Variants in HS3ST3A1 observed in about 807,000 individuals in gnomAD.
The protein encoded by HS3ST3A1 is heparan sulfate-glucosamine 3-sulfotransferase 3A1.
A neutral mutation model predicts 25.7 loss-of-function variants in HS3ST3A1; 19 were observed. That is an observed-to-expected ratio of 0.74 (90% CI 0.52 to 1.08). The LOEUF is 1.08. HS3ST3A1 is among the 50% of genes least tolerant of loss of function. The pLI is 0.00. For synonymous variants in HS3ST3A1, 226 were observed against 278.6 expected (o/e 0.81, Z 1.88); for missense variants, 459 against 594.3 (o/e 0.77, Z 2.37).
chr17:13,530,504 C>T (rs917157225), intron 1 of HS3ST3A1, among the ~76,000 whole-genome samples: 1 of 152,106 alleles, frequency 6.6e-6, no homozygotes, highest in African/African-American at 2.4e-5. Flanking sequence ...GACTTGAACC[C>T]AAGACAGGCA....
intron 1 of HS3ST3A1, among the ~76,000 whole-genome samples, chr17:13,503,031 A>G (rs1905533726): frequency 6.6e-6 from 1 of 152,082 alleles, no homozygotes; most frequent in East Asian, 1.9e-4. Context: ...ATACAAAATT[A>G]GCTGGGCGTG....
chr17:13,546,901 C>T (rs1907104488), intron 1 of HS3ST3A1, among the ~76,000 whole-genome samples: 1 of 151,848 alleles, frequency 6.6e-6, no homozygotes, highest in Admixed American at 6.6e-5. Context: ...TGTGTTTAAT[C>T]TTTACTCTAA....
chr17:13,574,272 TACAGGTGTGTGTCACC>T (rs1410588878), intron 1 of HS3ST3A1, among the ~76,000 whole-genome samples: 1 of 151,654 alleles, frequency 6.6e-6, no homozygotes, highest in African/African-American at 2.4e-5. Flanking sequence ...TAGCTGGGAC[TACAGGTGTGTGTCACC>T]ACGCCTGGCT....
At chr17:13,588,489 T>C (rs1172572265) in intron 1 of HS3ST3A1, among the ~76,000 whole-genome samples, 1 of 152,212 alleles carries the variant, frequency 6.6e-6, no homozygotes, top group Non-Finnish European at 1.5e-5. Flanking sequence ...GACTTCCATG[T>C]ACACTAGTCA....
chr17:13,556,576 G>A (rs1228862582), intron 1 of HS3ST3A1, among the ~76,000 whole-genome samples: 4 of 141,152 alleles, frequency 2.8e-5, no homozygotes, highest in South Asian at 2.2e-4. Context: ...AGGTGAGGCC[G>A]GTCATGGTGG....
At chr17:13,506,865 T>TC (rs1905695675) in intron 1 of HS3ST3A1, among the ~76,000 whole-genome samples, 2 of 146,182 alleles carry the variant, frequency 1.4e-5, no homozygotes, top group Non-Finnish European at 3.0e-5. Context: ...GAGGCCAGCC[T>TC]GGGCAACATG....
chr17:13,557,626 A>G (rs1028275693), intron 1 of HS3ST3A1, among the ~76,000 whole-genome samples: 1 of 152,208 alleles, frequency 6.6e-6, no homozygotes, highest in African/African-American at 2.4e-5. Flanking sequence ...GGTGAGCAGG[A>G]AAAAAGGACA....
In HS3ST3A1 at chr17:13,588,795, TG is replaced by T. The variant is rs79157330; in HGVS notation, c.599+11735del. ...GCCTCCCGGGTTCACGGCATTCTCC[TG>T]CCTCAGCCTCCCAAGTAGCTGGGAC... On this transcript the variant is annotated intron_variant, in intron 1 of 1. Transcript: ENST00000284110. Among the ~76,000 whole-genome samples the T allele has an allele frequency of 2.4e-3, 359 of 152,214 alleles. 16 individuals carry two copies. The East Asian group carries it at 0.052, about 22-fold the overall frequency.
rs949091637 is a variant in HS3ST3A1, at chr17:13,600,811, C to A, written c.319G>T (p.Asp107Tyr). 3 of 1,414,970 alleles carry A rather than the reference C, an allele frequency of 2.1e-6. No homozygotes were observed. The highest frequency in any genetic ancestry group is 3.5e-5 in the Admixed American group (1 of 28,278). The allele number at this position is 1,414,970 out of a possible 1,614,324, so 87.7% of individuals were successfully genotyped here. ...TCTTCCCAGGCCGCCTCCTCGCCGT[C>A]GTCGCGGGGCGCGGGCGGCCGGCGC... ...RRRRPPAPRD[D>Y]GEEAAWEEES... is the part of the protein sequence containing the mutation. Residue 107 changes from aspartate to tyrosine, a missense_variant, in exon 1 of 2, where the codon GAC becomes TAC. By Grantham distance (160) the Asp-to-Tyr change is radical. Transcript: ENST00000284110.
chr17:13,506,137 A>G (rs1368628244), intron 1 of HS3ST3A1, among the ~76,000 whole-genome samples: 1 of 150,810 alleles, frequency 6.6e-6, no homozygotes, highest in African/African-American at 2.4e-5. Context: ...TGGAGACAAA[A>G]TAGTATTAGT....
chr17:13,580,111 T>C (rs1908073010), intron 1 of HS3ST3A1, among the ~76,000 whole-genome samples: 1 of 152,152 alleles, frequency 6.6e-6, no homozygotes, highest in South Asian at 2.1e-4. Context: ...TACAGTCTGT[T>C]GTGCTATAAT....
At chr17:13,531,135 G>C (rs549960413) in intron 1 of HS3ST3A1, among the ~76,000 whole-genome samples, 1 of 152,332 alleles carries the variant, frequency 6.6e-6, no homozygotes, top group South Asian at 2.1e-4. Flanking sequence ...AGCACAAAAA[G>C]ATGGCTGTGC....
At chr17:13,511,362 C>T (rs1264570535) in intron 1 of HS3ST3A1, among the ~76,000 whole-genome samples, 1 of 152,040 alleles carries the variant, frequency 6.6e-6, no homozygotes, top group African/African-American at 2.4e-5. Flanking sequence ...ATAGACACTG[C>T]TTCAAGTTAG....
chr17:13,541,899 T>A (rs959536059), intron 1 of HS3ST3A1, among the ~76,000 whole-genome samples: 1 of 152,160 alleles, frequency 6.6e-6, no homozygotes, highest in African/African-American at 2.4e-5. Flanking sequence ...TAAAGCATGT[T>A]GAAGGAATGG....
At chr17:13,589,327 C>T (rs1437641849) in intron 1 of HS3ST3A1, among the ~76,000 whole-genome samples, 3 of 152,194 alleles carry the variant, frequency 2.0e-5, no homozygotes, top group South Asian at 2.1e-4. Flanking sequence ...TGCCACCCTT[C>T]GCCAACAGGG....
At chr17:13,560,428 G>A (rs1403930729) in intron 1 of HS3ST3A1, among the ~76,000 whole-genome samples, 7 of 150,056 alleles carry the variant, frequency 4.7e-5, no homozygotes. Context: ...CTGTAACAGA[G>A]TTAAACATCA....
intron 1 of HS3ST3A1, among the ~76,000 whole-genome samples, chr17:13,595,562 T>C (rs1214680235): frequency 6.6e-6 from 1 of 152,186 alleles, no homozygotes; most frequent in African/African-American, 2.4e-5. Context: ...TCTGATTACA[T>C]ATTAGAGGCA....
intron 1 of HS3ST3A1, among the ~76,000 whole-genome samples, chr17:13,528,924 A>C (rs1598415359): frequency 6.9e-6 from 1 of 144,900 alleles, no homozygotes; most frequent in East Asian, 2.1e-4. Context: ...GGACGTGTGC[A>C]GTGGTCGGGG....
At chr17:13,592,374 C>A (rs1052680622) in intron 1 of HS3ST3A1, among the ~76,000 whole-genome samples, 1 of 152,186 alleles carries the variant, frequency 6.6e-6, no homozygotes, top group Admixed American at 6.5e-5. Context: ...GTAGCCTCAA[C>A]AAATACAGTT....
Sources: gnomAD v4.1 joint callset for allele counts (sites outside exome capture counted in the v4.1 genomes callset) on GRCh38, gnomAD v4.1.1 for gene constraint, MANE v1.5 for transcripts, NCBI Gene and HGNC (gene_info 2026-07-23, HGNC 2026-07-21) for gene names.